Variants in CDH11 observed in about 807,000 individuals in gnomAD.
CDH11 encodes the protein cadherin 11.
Under a neutral mutation model 67.8 loss-of-function variants are expected in CDH11, and 11 were observed. The observed-to-expected ratio is 0.16, with a 90% CI of 0.10 to 0.27. The LOEUF (loss-of-function observed/expected upper bound fraction) is 0.27. Ranked by LOEUF, CDH11 falls within the 10% of genes least tolerant of loss-of-function variation. The pLI, the probability that CDH11 is intolerant of heterozygous loss-of-function variation, is 1.00. For missense variants in CDH11, 847 were observed against 1,031.2 expected, an observed-to-expected ratio of 0.82 and a Z score of 2.45; for synonymous variants, 419 against 400.0, an observed-to-expected ratio of 1.05 and a Z score of -0.57.
At chr16:64,974,515 C>T (rs185185401) in intron 8 of CDH11, among the ~76,000 whole-genome samples, 56 of 152,296 alleles carry the variant, frequency 3.7e-4, no homozygotes, top group African/African-American at 1.3e-3. Flanking sequence ...AATCCCAGAT[C>T]ATGTTCTTTT....
At chr16:64,986,238 A>C (rs2142474248) in intron 7 of CDH11, 1 of 151,752 alleles carries the variant, frequency 6.6e-6, no homozygotes, top group South Asian at 2.1e-4. Flanking sequence ...AAGTTTGAGC[A>C]AATGTTCTTT....
intron 11 of CDH11, among the ~76,000 whole-genome samples, chr16:64,966,271 A>G (rs192612346): frequency 6.6e-6 from 1 of 152,122 alleles, no homozygotes; most frequent in African/African-American, 2.4e-5. Flanking sequence ...ATGGTTTTGG[A>G]CAGGAAAAGT....
At position 64,979,695 on chromosome 16, in the gene CDH11, T is replaced by C. The variant is rs140566761; in HGVS notation, c.1253+2353A>G. 2.0e-3 allele frequency among the ~76,000 whole-genome samples: 308 copies of C among 152,192 alleles called. 3 individuals carry two copies. The highest frequency in any genetic ancestry group is 6.8e-3 in the African/African-American group (283 of 41,494). On this transcript the variant is annotated intron_variant, in intron 8 of 12. Transcript: ENST00000268603. ...CAGAAAGTTAAACATAGAGTTACCA[T>C]GTAATCCAGCAATTCCACTCCTAGG...
At chr16:65,081,869 G>C (rs2142802108) in intron 1 of CDH11, among the ~76,000 whole-genome samples, 1 of 152,268 alleles carries the variant, frequency 6.6e-6, no homozygotes, top group Non-Finnish European at 1.5e-5. Context: ...TTTGTAGTGT[G>C]AACACAGAAT....
intron 1 of CDH11, among the ~76,000 whole-genome samples, chr16:65,112,226 A>G (rs949223925): frequency 2.6e-5 from 4 of 152,152 alleles, no homozygotes; most frequent in African/African-American, 9.7e-5. Context: ...CCAATGTCTC[A>G]ATGGTTTGCA....
chr16:65,047,026 AT>A, intron 2 of CDH11, among the ~76,000 whole-genome samples: 1 of 152,254 alleles, frequency 6.6e-6, no homozygotes, highest in Non-Finnish European at 1.5e-5. Context: ...AGGCATGAAA[AT>A]CGCTTGAACC....
chr16:65,043,317 G>A (rs1396031665), intron 2 of CDH11, among the ~76,000 whole-genome samples: 1 of 151,414 alleles, frequency 6.6e-6, no homozygotes, highest in Admixed American at 6.6e-5. Flanking sequence ...TATCTGGGAC[G>A]CTGACTCTGA....
intron 1 of CDH11, among the ~76,000 whole-genome samples, chr16:65,112,069 CAAAA>C (rs35671651): frequency 2.2e-5 from 2 of 91,316 alleles, no homozygotes; most frequent in Non-Finnish European, 2.1e-5. Flanking sequence ...GACTCTGTCT[CAAAA>C]AAAAAAAAAA....
intron 1 of CDH11, among the ~76,000 whole-genome samples, chr16:65,106,893 T>C (rs2075074946): frequency 6.6e-6 from 1 of 151,640 alleles, no homozygotes. Context: ...CATCCTTAAA[T>C]AATTCTGGGT....
intron 2 of CDH11, among the ~76,000 whole-genome samples, chr16:65,017,606 A>G (rs1305908706): frequency 6.6e-6 from 1 of 152,164 alleles, no homozygotes; most frequent in Non-Finnish European, 1.5e-5. Flanking sequence ...AGTAAAGCAA[A>G]ATAAAATTAT....
intron 1 of CDH11, among the ~76,000 whole-genome samples, chr16:65,093,735 G>A (rs967553959): frequency 2.6e-5 from 4 of 152,052 alleles, no homozygotes; most frequent in South Asian, 2.1e-4. Context: ...AGTCCCTACC[G>A]TCAAAATGCT....
Position 65,077,951 on chromosome 16 carries a change from C to A in CDH11, c.-297-24023G>T, listed in dbSNP as rs2074543078. On this transcript the variant is annotated intron_variant, in intron 1 of 12. Coordinates refer to ENST00000268603, the MANE Select transcript of CDH11 (RefSeq NM_001797.4). Reference sequence around the variant, plus strand: ...TTAACACCAGAATTGACTTCATTCACAGAAGTGGAAATACAGAGACGGGTA... The same window carrying A: ...TTAACACCAGAATTGACTTCATTCAAAGAAGTGGAAATACAGAGACGGGTA... Among the ~76,000 whole-genome samples, 4 of 152,166 alleles carry A rather than the reference C, an allele frequency of 2.6e-5. No individual in the cohort carries two copies. In the South Asian group the frequency reaches 8.3e-4, roughly 31 times the overall value.
At chr16:65,054,042 AG>A (rs2074101911) in intron 1 of CDH11, 114 bp from the exon 2 acceptor site, 1 of 376,798 alleles carries the variant, frequency 2.7e-6, no homozygotes, top group Non-Finnish European at 5.3e-6. Context: ...ATGACAATCC[AG>A]GTGTGCAAAG....
At chr16:65,067,788 A>G (rs1318637977) in intron 1 of CDH11, among the ~76,000 whole-genome samples, 2 of 135,310 alleles carry the variant, frequency 1.5e-5, no homozygotes, top group Admixed American at 7.3e-5. Flanking sequence ...AGGGAGGGAG[A>G]GAGAGAGGAA....
intron 1 of CDH11, among the ~76,000 whole-genome samples, chr16:65,089,851 C>T (rs1040271): frequency 0.36 from 55,088 of 151,966 alleles, 10,457 homozygotes; most frequent in Middle Eastern, 0.45. Context: ...TGCTGTGTTG[C>T]ACTGTGAAAA....
chr16:65,007,390 G>A (rs1028633251), intron 2 of CDH11, among the ~76,000 whole-genome samples: 10 of 152,154 alleles, frequency 6.6e-5, no homozygotes, highest in Admixed American at 2.0e-4. Context: ...AAAAGGCTAC[G>A]TGGGAGAGAG....
chr16:64,977,137 C>T (rs985700886), intron 8 of CDH11, among the ~76,000 whole-genome samples: 2 of 151,894 alleles, frequency 1.3e-5, no homozygotes, highest in Non-Finnish European at 2.9e-5. Flanking sequence ...GAGCTCAAGT[C>T]TTCAGTGAAC....
rs772881140 is a variant in CDH11 at position 64,972,904 on chromosome 16, G to C, written c.1390C>G (p.His464Asp). 8.7e-6 allele frequency: 14 copies of C among 1,613,662 alleles called. No individual in the cohort carries two copies. Among genetic ancestry groups the C allele is most frequent in the African/African-American group, 2.7e-5 (2 of 74,968 alleles). ...TCAAAACCATGAGGAGAATACTTAC[G>C]GATTTCTGCTGCAAAGACAGTGATG... The part of the protein sequence containing the change: ...LNITVFAAEI[H>D]NRHQEAKVPV... Residue 464 changes from histidine (H) to aspartate (D), a missense_variant and splice_region_variant, in exon 9 of 13, where the codon CAC (histidine) becomes GAC (aspartate). His to Asp is a moderately conservative substitution (Grantham distance 81, BLOSUM62 -1). Around this residue, in one of 2 missense-constraint regions of CDH11, gnomAD observed 612 missense variants for 678.7 expected, o/e 0.90. Transcript: ENST00000268603.
At chr16:65,069,752 A>G (rs1245119235) in intron 1 of CDH11, among the ~76,000 whole-genome samples, 1 of 152,210 alleles carries the variant, frequency 6.6e-6, no homozygotes, top group East Asian at 1.9e-4. Context: ...ACCCAGGAAG[A>G]AAGGTAAGCA....
Sources: gnomAD v4.1 joint callset for allele counts (sites outside exome capture counted in the v4.1 genomes callset) on GRCh38, gnomAD v4.1.1 for gene constraint, gnomAD v4.1.1 regional missense constraint, MANE v1.5 for transcripts, NCBI Gene and HGNC (gene_info 2026-07-23, HGNC 2026-07-21) for gene names.